Variants in ABCC1 observed in about 807,000 individuals in gnomAD.
The protein encoded by ABCC1 is ATP binding cassette subfamily C member 1 (ABCC1 blood group).
A neutral mutation model predicts 172.9 loss-of-function variants in ABCC1; 83 were observed. The observed-to-expected ratio is 0.48, with a 90% CI of 0.40 to 0.58. The LOEUF is 0.58. Ranked by LOEUF, ABCC1 falls within the 20% of genes least tolerant of loss-of-function variation. ABCC1 has a pLI of 0.00. For synonymous variants in ABCC1, 937 were observed against 825.2 expected, an observed-to-expected ratio of 1.14 and a Z score of -2.32; for missense variants, 1,817 against 2,002.7, an observed-to-expected ratio of 0.91 and a Z score of 1.77.
chr16:16,055,472 C>T (rs1387938977), intron 11 of ABCC1, among the ~76,000 whole-genome samples: 2 of 151,970 alleles, frequency 1.3e-5, no homozygotes, highest in African/African-American at 4.8e-5. Context: ...ATCTCTTTAA[C>T]CCGGGAGGCA....
intron 21 of ABCC1, among the ~76,000 whole-genome samples, chr16:16,110,006 C>T (rs1596517955): frequency 6.6e-6 from 1 of 152,184 alleles, no homozygotes; most frequent in South Asian, 2.1e-4. Flanking sequence ...CCAGTGCCTT[C>T]TCTCAGTTCC....
intron 1 of ABCC1, among the ~76,000 whole-genome samples, chr16:15,959,603 G>A (rs1267695957): frequency 2.6e-5 from 4 of 152,222 alleles, no homozygotes; most frequent in Non-Finnish European, 5.9e-5. Flanking sequence ...TGGGATTACA[G>A]GCGTGAGCCA....
chr16:16,131,706 G>C, intron 26 of ABCC1, 83 bp from the exon 27 acceptor site: 1 of 1,512,430 alleles, frequency 6.6e-7, no homozygotes. Context: ...GCAGCAGAGT[G>C]AGTGAGAGGG....
At chr16:16,064,601 C>T (rs1031275678) in intron 12 of ABCC1, among the ~76,000 whole-genome samples, 8 of 152,214 alleles carry the variant, frequency 5.3e-5, no homozygotes, top group Non-Finnish European at 8.8e-5. Flanking sequence ...GGGGCTGGTA[C>T]GTTTTGGTGG....
chr16:16,079,318 G>C, intron 15 of ABCC1, 34 bp from the exon 16 acceptor site: 2 of 1,609,808 alleles, frequency 1.2e-6, no homozygotes, highest in Non-Finnish European at 1.7e-6. Flanking sequence ...GCCTCATTCA[G>C]CGTGGCTGAG....
chr16:16,034,580 CT>C (rs35163690), intron 6 of ABCC1, among the ~76,000 whole-genome samples: 3,954 of 84,612 alleles, frequency 0.047, 26 homozygotes, highest in Middle Eastern at 0.087. Flanking sequence ...TGTATGTTAA[CT>C]TTTTTTTTTT....
At chr16:16,125,935 C>T (rs2045414566) in intron 26 of ABCC1, 24 bp downstream of exon 26, 1 of 1,584,772 alleles carries the variant, frequency 6.3e-7, no homozygotes. Flanking sequence ...CCTGGCTGGA[C>T]CTCTTGGTCT....
At chr16:16,030,744 C>T (rs2151823295) in intron 5 of ABCC1, among the ~76,000 whole-genome samples, 1 of 152,046 alleles carries the variant, frequency 6.6e-6, no homozygotes, top group South Asian at 2.1e-4. Context: ...GCCACTTTTC[C>T]AAGAAAAATC....
intron 1 of ABCC1, among the ~76,000 whole-genome samples, chr16:15,984,705 A>G (rs935035448): frequency 2.4e-4 from 37 of 152,128 alleles, no homozygotes; most frequent in Admixed American, 2.2e-3. Flanking sequence ...TGGCCTCCCA[A>G]AGTGCTGAGA....
chr16:16,048,403 CTCCCTGGCAGT>C, intron 10 of ABCC1, 100 bp downstream of exon 10: 1 of 1,367,890 alleles, frequency 7.3e-7, no homozygotes, highest in South Asian at 1.3e-5. Context: ...GCATGTAGAG[CTCCCTGGCAGT>C]TCCGGCTGTG....
chr16:16,125,054 C>A, intron 25 of ABCC1, 139 bp downstream of exon 25: 1 of 1,228,954 alleles, frequency 8.1e-7, no homozygotes, highest in Non-Finnish European at 1.1e-6. Context: ...AGGTACAGTG[C>A]CACAGTGCCT....
rs188115330 is a variant in ABCC1, at chr16:16,005,637, C to T, written c.49-2179C>T. On this transcript the variant is annotated intron_variant, in intron 1 of 30. Coordinates refer to ENST00000399410, the MANE Select transcript of ABCC1 (RefSeq NM_004996.4). ...CTGGGATGACAGGCGTGAGCCACTGCGCCCAGAAGATTTTCTGATTTTTAA... is the reference window on the plus strand; with the variant it reads ...CTGGGATGACAGGCGTGAGCCACTGTGCCCAGAAGATTTTCTGATTTTTAA... Among the ~76,000 whole-genome samples, 11 of 152,234 alleles carry T rather than the reference C, an allele frequency of 7.2e-5. No homozygotes were observed. The East Asian group carries it at 1.4e-3, about 19-fold the overall frequency.
intron 14 of ABCC1, 39 bp from the exon 15 acceptor site, chr16:16,076,287 C>G: frequency 3.1e-6 from 5 of 1,602,202 alleles, no homozygotes; most frequent in Non-Finnish European, 4.3e-6. Flanking sequence ...TGGAGTCGCA[C>G]AGCTCAGCCT....
intron 1 of ABCC1, among the ~76,000 whole-genome samples, chr16:15,972,617 A>G (rs540369754): frequency 6.6e-6 from 1 of 152,216 alleles, no homozygotes; most frequent in South Asian, 2.1e-4. Flanking sequence ...TCCACATTGC[A>G]GACTTCTGGT....
intron 1 of ABCC1, among the ~76,000 whole-genome samples, chr16:15,961,909 A>T (rs1445821083): frequency 6.6e-6 from 1 of 152,086 alleles, no homozygotes. Context: ...GCAGTGCTGC[A>T]CTGAAGGCAC....
At chr16:16,106,289 C>T (rs566366404) in intron 20 of ABCC1, among the ~76,000 whole-genome samples, 7 of 151,938 alleles carry the variant, frequency 4.6e-5, no homozygotes, top group Middle Eastern at 3.4e-3. Flanking sequence ...GGTACTTTGC[C>T]CTATGTTTTT....
At chr16:16,050,974 GT>G (rs1330147720) in intron 10 of ABCC1, among the ~76,000 whole-genome samples, 2 of 152,062 alleles carry the variant, frequency 1.3e-5, no homozygotes, top group African/African-American at 2.4e-5. Context: ...TTTTGTAAAA[GT>G]GCTACTATGG....
At chr16:16,017,566 C>T (rs887039151) in intron 5 of ABCC1, among the ~76,000 whole-genome samples, 2 of 152,142 alleles carry the variant, frequency 1.3e-5, no homozygotes, top group East Asian at 1.9e-4. Flanking sequence ...GTTCTCCCTA[C>T]ACCTGCTCCC....
chr16:16,139,258 T>C (rs1284759050), intron 30 of ABCC1, among the ~76,000 whole-genome samples: 1 of 152,128 alleles, frequency 6.6e-6, no homozygotes, highest in Non-Finnish European at 1.5e-5. Context: ...GGCCACTGTT[T>C]CCATTGAACA....
Sources: allele counts gnomAD v4.1 joint callset (sites outside exome capture counted in the v4.1 genomes callset), GRCh38; gene constraint gnomAD v4.1.1; transcripts MANE v1.5; gene names NCBI Gene and HGNC (gene_info 2026-07-23, HGNC 2026-07-21).